CNTLN: variants seen among roughly 807,000 people sequenced by gnomAD.
The protein encoded by CNTLN is centlein.
In CNTLN, 212 loss-of-function variants were observed where a neutral mutation model predicts 180.0. The observed-to-expected ratio is 1.18, with a 90% CI of 1.05 to 1.32. The LOEUF is 1.32. CNTLN is among the 40% of genes most tolerant of loss of function. The pLI is 0.00. For synonymous variants in CNTLN, 722 were observed against 563.1 expected (o/e 1.28, Z -3.99); for missense variants, 2,095 against 1,610.9 (o/e 1.30, Z -5.14).
In CNTLN at chr9:17,487,048, G is replaced by C. The variant is rs1387174162; in HGVS notation, c.4101G>C (p.Gln1367His). 1 of 1,603,564 alleles carries C rather than the reference G, an allele frequency of 6.2e-7. No individual in the cohort carries two copies. The highest frequency in any genetic ancestry group is 1.7e-5 in the Admixed American group (1 of 58,760). ...ENDKEWMLYI[Q>H]KLLEGQLPFA... ...ACAAGGAATGGATGTTGTACATTCAGAAACTTCTTGAAGGACAGGTATTTC... is the reference window on the plus strand; with the variant it reads ...ACAAGGAATGGATGTTGTACATTCACAAACTTCTTGAAGGACAGGTATTTC... Residue 1367 changes from glutamine (Q) to histidine (H), a missense_variant, in exon 25 of 26, where the codon CAG becomes CAC. Gln to His is a conservative substitution (Grantham distance 24). Transcript: ENST00000380647.
intron 6 of CNTLN, among the ~76,000 whole-genome samples, chr9:17,292,600 A>G (rs1338217995): frequency 2.0e-5 from 3 of 151,978 alleles, no homozygotes; most frequent in East Asian, 3.9e-4. Context: ...TTGGCTGTTG[A>G]TACTTATGGT....
intron 6 of CNTLN, among the ~76,000 whole-genome samples, chr9:17,282,292 G>A (rs1261910506): frequency 6.6e-6 from 1 of 152,132 alleles, no homozygotes; most frequent in African/African-American, 2.4e-5. Context: ...TGACTGGTGT[G>A]AGATGGTATC....
chr9:17,168,698 A>G (rs1820242221), intron 2 of CNTLN: 1 of 152,246 alleles, frequency 6.6e-6, no homozygotes, highest in South Asian at 2.1e-4. Context: ...AGCAACATTT[A>G]TTAACCACAG....
At chr9:17,145,182 G>T (rs1281426717) in intron 2 of CNTLN, among the ~76,000 whole-genome samples, 1 of 152,150 alleles carries the variant, frequency 6.6e-6, no homozygotes, top group African/African-American at 2.4e-5. Context: ...CCTTTTACCT[G>T]ATCTACTGAA....
chr9:17,525,408 A>T, the CNTLN span, among the ~76,000 whole-genome samples: 1 of 152,182 alleles, frequency 6.6e-6, no homozygotes, highest in Non-Finnish European at 1.5e-5. Context: ...GAGATAGAAA[A>T]GATTTTAACT....
Position 17,484,372 on chromosome 9 carries a change from C to G in CNTLN, c.3933C>G (p.Asn1311Lys). ...QIRELKKMKK[N>K]RDACKTSTHK... ...GAGAGCTTAAAAAAATGAAGAAAAA[C>G]AGGGACGCCTGTAAAACCTCAACCC... The change falls in exon 24 of 26, where the codon AAC becomes AAG. Residue 1311 changes from asparagine (N) to lysine (K), a missense_variant. Coordinates refer to ENST00000380647, the MANE Select transcript of CNTLN (RefSeq NM_017738.4). The G allele has an allele frequency of 6.2e-7, 1 of 1,612,358 alleles. No individual in the cohort carries two copies. The highest frequency in any genetic ancestry group is 1.1e-5 in the South Asian group (1 of 90,870).
At chr9:17,192,130 A>G (rs555729428) in intron 2 of CNTLN, among the ~76,000 whole-genome samples, 1 of 152,264 alleles carries the variant, frequency 6.6e-6, no homozygotes, top group South Asian at 2.1e-4. Context: ...CATAATGTTA[A>G]TTAATGGCTA....
the CNTLN span, among the ~76,000 whole-genome samples, chr9:17,522,112 C>T: frequency 0.054 from 8,200 of 152,140 alleles, 787 homozygotes; most frequent in African/African-American, 0.19. Context: ...AGTTTCCAGT[C>T]TCCTGTCTCC....
At chr9:17,139,159 C>T (rs1817916670) in intron 1 of CNTLN, among the ~76,000 whole-genome samples, 1 of 152,030 alleles carries the variant, frequency 6.6e-6, no homozygotes, top group South Asian at 2.1e-4. Context: ...GCAATATGGG[C>T]TCACTGTAAC....
At chr9:17,143,202 G>T (rs1818224753) in intron 1 of CNTLN, 86 bp from the exon 2 acceptor site, 8 of 908,664 alleles carry the variant, frequency 8.8e-6, no homozygotes, top group East Asian at 2.5e-5. Context: ...TCAAGTAATT[G>T]TTTTTTCATT....
chr9:17,409,640 G>A (rs764166914), intron 16 of CNTLN, among the ~76,000 whole-genome samples, 167 bp downstream of exon 16: 9 of 151,996 alleles, frequency 5.9e-5, no homozygotes, highest in Non-Finnish European at 1.2e-4. Flanking sequence ...TCAAGTACTT[G>A]TTTGTTACAG....
chr9:17,367,854 G>T (rs1028238866), intron 13 of CNTLN, among the ~76,000 whole-genome samples: 2 of 151,842 alleles, frequency 1.3e-5, no homozygotes, highest in South Asian at 2.1e-4. Flanking sequence ...ATACCCAGAT[G>T]GTACACTGTG....
At chr9:17,268,829 G>C (rs1272489205) in intron 5 of CNTLN, among the ~76,000 whole-genome samples, 2 of 151,672 alleles carry the variant, frequency 1.3e-5, no homozygotes, top group African/African-American at 4.8e-5. Context: ...GTGGGCGTAG[G>C]ACCCTCTGAG....
chr9:17,390,348 C>T (rs549243678), intron 14 of CNTLN, among the ~76,000 whole-genome samples: 3 of 140,130 alleles, frequency 2.1e-5, no homozygotes, highest in South Asian at 2.3e-4. Context: ...AAGCGATTCT[C>T]GTGCCTCAGT....
At chr9:17,359,206 A>T (rs1246883250) in intron 12 of CNTLN, among the ~76,000 whole-genome samples, 6 of 151,902 alleles carry the variant, frequency 3.9e-5, no homozygotes, top group Non-Finnish European at 8.8e-5. Context: ...TTTTGTAGAG[A>T]TAGGGTTATG....
rs564599946 is a variant in CNTLN, at chr9:17,226,635, A to C, written c.534+348A>C. 2.6e-5 allele frequency among the ~76,000 whole-genome samples: 4 copies of C among 152,100 alleles called. No individual in the cohort carries two copies. In the South Asian group the frequency reaches 8.3e-4, roughly 32 times the overall value. ...GATGGTTTTATTTGTAGAAAAGATA[A>C]AAATTGAGATCCTATTATTTACACT... On this transcript the variant is annotated intron_variant, in intron 3 of 25. Coordinates refer to ENST00000380647, the MANE Select transcript of CNTLN (RefSeq NM_017738.4).
At chr9:17,269,303 T>G (rs1283649548) in intron 5 of CNTLN, among the ~76,000 whole-genome samples, 1 of 152,216 alleles carries the variant, frequency 6.6e-6, no homozygotes, top group South Asian at 2.1e-4. Flanking sequence ...TTCTGCTAAC[T>G]TTTGGTTCAA....
intron 18 of CNTLN, among the ~76,000 whole-genome samples, chr9:17,423,585 A>T (rs888036752): frequency 6.6e-6 from 1 of 152,094 alleles, no homozygotes; most frequent in Admixed American, 6.6e-5. Context: ...CTTCAGTTCA[A>T]CTGGCTCCAA....
Position 17,409,292 on chromosome 9 carries a change from G to A in CNTLN, c.2616-1G>A, listed in dbSNP as rs867474360. On this transcript the variant is annotated splice_acceptor_variant, in intron 15 of 25. Transcript: ENST00000380647. LOFTEE classifies it high-confidence loss of function. Reference sequence around the variant, plus strand: ...TTATGTCCCTACTTTTTTCTAAAAAGCAGTGATTCTGAAGCACAGACCTCT... The same window carrying A: ...TTATGTCCCTACTTTTTTCTAAAAAACAGTGATTCTGAAGCACAGACCTCT... The A allele has an allele frequency of 6.2e-7, 1 of 1,603,202 alleles. No individual in the cohort carries two copies. The highest frequency in any genetic ancestry group is 8.5e-7 in the Non-Finnish European group (1 of 1,177,230).
Sources: allele counts gnomAD v4.1 joint callset (sites outside exome capture counted in the v4.1 genomes callset), GRCh38; gene constraint gnomAD v4.1.1; transcripts MANE v1.5; gene names NCBI Gene and HGNC (gene_info 2026-07-23, HGNC 2026-07-21).